Variants in FNBP1 observed in about 807,000 individuals in gnomAD.
FNBP1 encodes the protein formin-binding protein 1.
In FNBP1, 26 loss-of-function variants were observed where a neutral mutation model predicts 90.6. The ratio of observed to expected loss-of-function variants is 0.29; its 90% confidence interval spans 0.21 to 0.40. The LOEUF (loss-of-function observed/expected upper bound fraction) is 0.40. Among genes scored for constraint, FNBP1 ranks in the 10% least tolerant of loss-of-function variants. The pLI, the probability that FNBP1 is intolerant of heterozygous loss-of-function variation, is 1.00. For missense variants in FNBP1, 635 were observed against 768.0 expected (o/e 0.83, Z 2.05); for synonymous variants, 260 against 265.2 (o/e 0.98, Z 0.19).
At chr9:130,003,561 T>G (rs1230083475) in intron 1 of FNBP1, among the ~76,000 whole-genome samples, 1 of 148,390 alleles carries the variant, frequency 6.7e-6, no homozygotes, top group Non-Finnish European at 1.5e-5. Flanking sequence ...GAGCCGAGAT[T>G]TCATTACTGC....
At chr9:129,916,700 G>A (rs1017895511) in intron 10 of FNBP1, among the ~76,000 whole-genome samples, 1 of 151,692 alleles carries the variant, frequency 6.6e-6, no homozygotes, top group African/African-American at 2.4e-5. Context: ...TTATACAGAC[G>A]AAAACAAGTC....
At chr9:129,997,617 C>A (rs1349344246) in intron 1 of FNBP1, among the ~76,000 whole-genome samples, 1 of 152,182 alleles carries the variant, frequency 6.6e-6, no homozygotes, top group African/African-American at 2.4e-5. Flanking sequence ...AGCACGACTT[C>A]GTCAAAGCCC....
chr9:129,894,078 T>A (rs1391224802), intron 16 of FNBP1, among the ~76,000 whole-genome samples: 1 of 152,046 alleles, frequency 6.6e-6, no homozygotes, highest in African/African-American at 2.4e-5. Flanking sequence ...TTAAATGGAC[T>A]TGAGCTGATC....
chr9:129,891,740 G>A (rs1043902964), intron 16 of FNBP1, among the ~76,000 whole-genome samples: 2 of 152,156 alleles, frequency 1.3e-5, no homozygotes, highest in African/African-American at 4.8e-5. Context: ...TCATTTAAAG[G>A]AGGAGGTAGG....
chr9:129,986,625 A>G (rs1326799047), intron 2 of FNBP1, among the ~76,000 whole-genome samples: 1 of 151,454 alleles, frequency 6.6e-6, no homozygotes, highest in Non-Finnish European at 1.5e-5. Flanking sequence ...CCCCGTCTCT[A>G]TTAAAAGTGT....
chr9:129,910,847 A>ATG (rs56139800), intron 11 of FNBP1, among the ~76,000 whole-genome samples: 68,215 of 132,756 alleles, frequency 0.51, 16,165 homozygotes, highest in East Asian at 0.73. Flanking sequence ...TGACTCTCTA[A>ATG]TGTGTGTGTG....
At chr9:130,019,899 A>T (rs2057649197) in intron 1 of FNBP1, among the ~76,000 whole-genome samples, 1 of 151,836 alleles carries the variant, frequency 6.6e-6, no homozygotes, top group African/African-American at 2.4e-5. Context: ...GGCTATTTTC[A>T]CAGGACCTCA....
chr9:129,906,985 G>A (rs1434261329), intron 12 of FNBP1, among the ~76,000 whole-genome samples: 9 of 152,026 alleles, frequency 5.9e-5, no homozygotes, highest in Admixed American at 3.9e-4. Flanking sequence ...TCACCATGTT[G>A]GCCAGGATGG....
chr9:130,012,895 TCC>T (rs2056802381), intron 1 of FNBP1, among the ~76,000 whole-genome samples: 1 of 152,022 alleles, frequency 6.6e-6, no homozygotes, highest in African/African-American at 2.4e-5. Flanking sequence ...CACCTCAGCC[TCC>T]CAAAGTGCTG....
chr9:129,908,943 C>A lies in FNBP1; in HGVS notation c.1242G>T (p.Leu414=). 1 of 1,613,834 alleles carries A rather than the reference C, an allele frequency of 6.2e-7. No individual in the cohort carries two copies. The highest frequency in any genetic ancestry group is 8.5e-7 in the Non-Finnish European group (1 of 1,179,830). ...NLPPEQRRKK[L]QQKVDELNKE... is the part of the protein sequence containing the mutation. ...TATTTAACTCATCGACTTTCTGCTG[C>A]AGCTTTTTCCTTCTTTGTTCAGGTG... The change falls in exon 12 of 17, where the codon CTG becomes CTT. Residue 414 remains leucine (L), a synonymous_variant. Transcript: ENST00000446176.
At chr9:129,895,190 C>T in intron 16 of FNBP1, 1 of 881,026 alleles carries the variant, frequency 1.1e-6, no homozygotes, top group Non-Finnish European at 1.4e-6. Context: ...TGTCTGGGAT[C>T]ATGTAGATGG....
At chr9:129,903,042 AT>A (rs758751755) in intron 12 of FNBP1, 41 bp from the exon 13 acceptor site, 4,652 of 1,327,614 alleles carry the variant, frequency 3.5e-3, no homozygotes, top group South Asian at 4.5e-3. Context: ...AGGTTACTCC[AT>A]TTTTTTTTTA....
chr9:129,898,344 A>C (rs2036183820), intron 15 of FNBP1, among the ~76,000 whole-genome samples: 1 of 152,108 alleles, frequency 6.6e-6, no homozygotes, highest in Non-Finnish European at 1.5e-5. Flanking sequence ...TTAGGACTTA[A>C]GACATCTAAG....
At chr9:129,952,182 A>T (rs2046281424) in intron 6 of FNBP1, among the ~76,000 whole-genome samples, 5 of 151,062 alleles carry the variant, frequency 3.3e-5, no homozygotes, top group Admixed American at 1.3e-4. Flanking sequence ...ACAGAGCGAG[A>T]CTCTATTTCA....
At chr9:129,911,462 C>T (rs1052032800) in intron 11 of FNBP1, among the ~76,000 whole-genome samples, 2 of 152,192 alleles carry the variant, frequency 1.3e-5, no homozygotes, top group Non-Finnish European at 2.9e-5. Flanking sequence ...GTTGTCCATG[C>T]TTCAATCATG....
chr9:130,043,322 C>T (rs995775750), upstream of FNBP1: 1 of 187,338 alleles, frequency 5.3e-6, no homozygotes, highest in African/African-American at 2.4e-5. Context: ...CCGGGCTCCC[C>T]CGGCCGGGTC....
chr9:129,933,498 T>C (rs2043041825), intron 6 of FNBP1: 1 of 152,168 alleles, frequency 6.6e-6, no homozygotes, highest in African/African-American at 2.4e-5. Flanking sequence ...TAATGCCCTT[T>C]GCCCTGTTTC....
intron 12 of FNBP1, among the ~76,000 whole-genome samples, chr9:129,904,371 C>T (rs1046934986): frequency 7.2e-5 from 11 of 152,150 alleles, no homozygotes; most frequent in Admixed American, 3.3e-4. Context: ...GGGTTGAAGA[C>T]CAAAGAGCTC....
At position 130,031,636 on chromosome 9, in the gene FNBP1, C is replaced by A. The variant is rs1387871120; in HGVS notation, c.24+11316G>T. Among the ~76,000 whole-genome samples, 1 of 152,138 alleles carries A rather than the reference C, an allele frequency of 6.6e-6. No individual in the cohort carries two copies. The highest frequency in any genetic ancestry group is 2.4e-5 in the African/African-American group (1 of 41,514). On this transcript the variant is annotated intron_variant, in intron 1 of 16. Coordinates refer to ENST00000446176, the MANE Select transcript of FNBP1 (RefSeq NM_015033.3). This position sits in a 1 kb window ranked among gnomAD's most constrained non-coding sequence, Gnocchi z 4.2. The stretch of plus-strand genomic sequence containing the variant: ...TTCCATGGAGTTACCCTACCTTAGT[C>A]CTTATTACACAATAATTTCTTTCTT...
Sources: allele counts gnomAD v4.1 joint callset (sites outside exome capture counted in the v4.1 genomes callset), GRCh38; gene constraint gnomAD v4.1.1; non-coding constraint Gnocchi (gnomAD v3.1); transcripts MANE v1.5; gene names NCBI Gene and HGNC (gene_info 2026-07-23, HGNC 2026-07-21).